The following PLPP1 variants were observed in gnomAD, a reference collection of about 807,000 sequenced individuals.
PLPP1 encodes the protein lipid phosphate phosphohydrolase 1a.
Under a neutral mutation model 31.2 loss-of-function variants are expected in PLPP1, and 24 were observed. The observed-to-expected ratio is 0.77, with a 90% CI of 0.56 to 1.08. PLPP1 has a LOEUF of 1.08. Among genes scored for constraint, PLPP1 ranks in the 50% least tolerant of loss-of-function variants. The pLI, the probability that PLPP1 is intolerant of heterozygous loss-of-function variation, is 0.00. For missense variants in PLPP1, 319 were observed against 342.7 expected, an observed-to-expected ratio of 0.93 and a Z score of 0.55; for synonymous variants, 146 against 126.3, an observed-to-expected ratio of 1.16 and a Z score of -1.05.
At chr5:55,526,079 T>TA (rs1740422900) in intron 1 of PLPP1, among the ~76,000 whole-genome samples, 9 of 151,314 alleles carry the variant, frequency 5.9e-5, no homozygotes, top group African/African-American at 1.5e-4. Flanking sequence ...ACTTCTTTTT[T>TA]TAAAAAAAAA....
At chr5:55,507,432 G>C (rs1388359972) in intron 1 of PLPP1, among the ~76,000 whole-genome samples, 2 of 152,172 alleles carry the variant, frequency 1.3e-5, no homozygotes, top group Non-Finnish European at 2.9e-5. Context: ...AAAGAAAAGA[G>C]AAAGTCAACA....
At chr5:55,463,226 C>A (rs1028350921) in intron 3 of PLPP1, among the ~76,000 whole-genome samples, 1 of 151,986 alleles carries the variant, frequency 6.6e-6, no homozygotes, top group Admixed American at 6.6e-5. Context: ...AGGACAAACA[C>A]CTAATGCATG....
intron 4 of PLPP1, among the ~76,000 whole-genome samples, chr5:55,429,241 G>C (rs1052967880): frequency 1.4e-5 from 2 of 147,796 alleles, no homozygotes; most frequent in Non-Finnish European, 3.0e-5. Flanking sequence ...GAAAACAATG[G>C]AGTGGTTTCA....
intron 3 of PLPP1, among the ~76,000 whole-genome samples, chr5:55,450,543 G>A (rs1167431299): frequency 6.6e-6 from 1 of 152,160 alleles, no homozygotes; most frequent in Non-Finnish European, 1.5e-5. Context: ...TCTCAGCAGG[G>A]AAACTTGGTG....
At chr5:55,511,165 A>AT (rs1376481362) in intron 1 of PLPP1, among the ~76,000 whole-genome samples, 1 of 152,242 alleles carries the variant, frequency 6.6e-6, no homozygotes, top group Non-Finnish European at 1.5e-5. Context: ...TGTTTGAAGA[A>AT]TAATCTGTCC....
intron 3 of PLPP1, among the ~76,000 whole-genome samples, chr5:55,444,376 C>T (rs1438844176): frequency 2.0e-5 from 3 of 151,858 alleles, no homozygotes; most frequent in South Asian, 4.2e-4. Flanking sequence ...CCACCGCGCC[C>T]GGCCCCAAAT....
intron 1 of PLPP1, among the ~76,000 whole-genome samples, chr5:55,513,884 C>T (rs1334776651): frequency 2.0e-5 from 3 of 152,068 alleles, no homozygotes; most frequent in Non-Finnish European, 4.4e-5. Context: ...CATGTTTGTG[C>T]CACTGCACTT....
chr5:55,438,495 T>G (rs375464736), intron 4 of PLPP1, among the ~76,000 whole-genome samples: 13 of 152,280 alleles, frequency 8.5e-5, no homozygotes, highest in African/African-American at 2.9e-4. Context: ...TAGGAGAGGA[T>G]TTAAATGACT....
intron 3 of PLPP1, among the ~76,000 whole-genome samples, chr5:55,462,405 T>C (rs1752185316): frequency 6.6e-6 from 1 of 152,152 alleles, no homozygotes; most frequent in Non-Finnish European, 1.5e-5. Flanking sequence ...TTTTTTTCGG[T>C]CAATAAATAA....
At chr5:55,448,015 CCT>C (rs1479382661) in intron 3 of PLPP1, among the ~76,000 whole-genome samples, 5 of 152,084 alleles carry the variant, frequency 3.3e-5, no homozygotes, top group Non-Finnish European at 5.9e-5. Context: ...CATAAGTTCC[CCT>C]CTCTGATAAT....
At position 55,448,206 on chromosome 5, in the gene PLPP1, T is replaced by G. The variant is rs552157280; in HGVS notation, c.492-6298A>C. Among the ~76,000 whole-genome samples the G allele has an allele frequency of 2.6e-5, 4 of 152,320 alleles. No homozygotes were observed. In the South Asian group the frequency reaches 8.3e-4, roughly 32 times the overall value. On this transcript the variant is annotated intron_variant, in intron 3 of 5. Coordinates refer to ENST00000307259, the MANE Select transcript of PLPP1 (RefSeq NM_003711.4). ...TGCTAAATGATTTGGCAATGAGATA[T>G]CAGATTATTATCTACAAGAATCTCA... is the stretch of plus-strand genomic sequence containing the variant.
At chr5:55,442,480 C>T (rs1291595523) in intron 3 of PLPP1, among the ~76,000 whole-genome samples, 1 of 152,028 alleles carries the variant, frequency 6.6e-6, no homozygotes, top group Non-Finnish European at 1.5e-5. Flanking sequence ...GGTGAAACCC[C>T]ATCTCTACTA....
chr5:55,476,368 C>G (rs1752551728), intron 1 of PLPP1, among the ~76,000 whole-genome samples: 1 of 151,936 alleles, frequency 6.6e-6, no homozygotes, highest in Non-Finnish European at 1.5e-5. Context: ...CATAAAAGCA[C>G]CTAACAGAGA....
intron 1 of PLPP1, among the ~76,000 whole-genome samples, chr5:55,487,871 G>A (rs1752807055): frequency 6.6e-6 from 1 of 152,192 alleles, no homozygotes; most frequent in South Asian, 2.1e-4. Context: ...GCTCACGCCT[G>A]TAATCCCAGC....
chr5:55,475,189 A>G, intron 2 of PLPP1, 110 bp downstream of exon 2: 2 of 1,013,346 alleles, frequency 2.0e-6, no homozygotes, highest in Non-Finnish European at 2.8e-6. Context: ...TAAAGGTTTA[A>G]AAAGCATACA....
In PLPP1 at chr5:55,512,507, AAAAGAAAAGAAAGAAAG is replaced by A. The variant is rs1307702376; in HGVS notation, c.58+22048_58+22064del. On this transcript the variant is annotated intron_variant, in intron 1 of 5. Transcript: ENST00000307259. The stretch of plus-strand genomic sequence containing the variant: ...AAGAAAGAAAGAAAGAAAAGAAAAG[AAAAGAAAAGAAAGAAAG>A]AAAGAAAGAAAGAAAGAAAGAAAGA... Among the ~76,000 whole-genome samples, 71 of 13,614 alleles carry A rather than the reference AAAAGAAAAGAAAGAAAG, an allele frequency of 5.2e-3. 1 individual carries two copies. Among genetic ancestry groups the A allele is most frequent in the African/African-American group, 0.011 (62 of 5,774 alleles). 8.9% of individuals were successfully genotyped at this position (13,614 alleles called of 152,430 possible).
intron 1 of PLPP1, among the ~76,000 whole-genome samples, chr5:55,531,348 CAT>C (rs1213146725): frequency 6.6e-6 from 1 of 152,206 alleles, no homozygotes; most frequent in African/African-American, 2.4e-5. Flanking sequence ...CGGACAGAAA[CAT>C]ATACACACAC....
chr5:55,429,928 C>T (rs1458358761), intron 4 of PLPP1, among the ~76,000 whole-genome samples: 1 of 152,108 alleles, frequency 6.6e-6, no homozygotes, highest in Non-Finnish European at 1.5e-5. Context: ...CACAGCCAAG[C>T]CCTATACACA....
chr5:55,488,716 C>A (rs546452945), intron 1 of PLPP1, among the ~76,000 whole-genome samples: 1 of 152,118 alleles, frequency 6.6e-6, no homozygotes, highest in Non-Finnish European at 1.5e-5. Flanking sequence ...AAGGAAACAT[C>A]AAAATGCTAC....
Sources: allele counts gnomAD v4.1 joint callset (sites outside exome capture counted in the v4.1 genomes callset), GRCh38; gene constraint gnomAD v4.1.1; transcripts MANE v1.5; gene names NCBI Gene and HGNC (gene_info 2026-07-23, HGNC 2026-07-21).